The following PLEKHA5 variants were observed in gnomAD, a reference collection of about 807,000 sequenced individuals.
The protein encoded by PLEKHA5 is pleckstrin homology domain containing A5.
In PLEKHA5, 55 loss-of-function variants were observed where a neutral mutation model predicts 181.9. The ratio of observed to expected loss-of-function variants is 0.30; its 90% CI spans 0.24 to 0.38. The LOEUF (loss-of-function observed/expected upper bound fraction) is 0.38. Among genes scored for constraint, PLEKHA5 ranks in the 10% least tolerant of loss-of-function variants. PLEKHA5 has a pLI of 1.00. For synonymous variants in PLEKHA5, 535 were observed against 529.4 expected (o/e 1.01, Z -0.15); for missense variants, 1,432 against 1,549.5 (o/e 0.92, Z 1.27).
At chr12:19,205,355 C>G in intron 3 of PLEKHA5, 1 of 984,240 alleles carries the variant, frequency 1.0e-6, no homozygotes. Context: ...CCTTTGTCAT[C>G]GTTCTGTCAG....
intron 20 of PLEKHA5, among the ~76,000 whole-genome samples, chr12:19,336,040 AT>A (rs1412896474): frequency 1.3e-5 from 2 of 152,016 alleles, no homozygotes; most frequent in South Asian, 2.1e-4. Flanking sequence ...TTTGGGGGTG[AT>A]TTTTTTTCCA....
At chr12:19,257,870 A>T (rs963051443) in intron 6 of PLEKHA5, among the ~76,000 whole-genome samples, 1 of 152,178 alleles carries the variant, frequency 6.6e-6, no homozygotes, top group East Asian at 1.9e-4. Flanking sequence ...GAAATAAACA[A>T]CTAAATATTA....
intron 3 of PLEKHA5, among the ~76,000 whole-genome samples, chr12:19,140,454 C>T (rs2036931216): frequency 6.6e-6 from 1 of 152,146 alleles, no homozygotes; most frequent in South Asian, 2.1e-4. Flanking sequence ...ACTGGGGGAA[C>T]ATCTTGGCCA....
chr12:19,144,625 G>A (rs962749451), intron 3 of PLEKHA5, among the ~76,000 whole-genome samples: 2 of 152,144 alleles, frequency 1.3e-5, no homozygotes, highest in Admixed American at 6.5e-5. Context: ...TGATAAATAA[G>A]TTTCAGCCAG....
intron 3 of PLEKHA5, among the ~76,000 whole-genome samples, chr12:19,178,811 A>T (rs73056361): frequency 0.1 from 15,311 of 152,268 alleles, 947 homozygotes; most frequent in Admixed American, 0.19. Flanking sequence ...TGATTTCTTT[A>T]AAACAACAAC....
At chr12:19,281,621 C>T (rs942126603) in intron 11 of PLEKHA5, among the ~76,000 whole-genome samples, 10 of 151,880 alleles carry the variant, frequency 6.6e-5, no homozygotes, top group Non-Finnish European at 1.3e-4. Context: ...GCTAACTTTA[C>T]GTAGAGTTTT....
chr12:19,333,396 G>A (rs556691195), intron 20 of PLEKHA5, among the ~76,000 whole-genome samples: 5 of 151,718 alleles, frequency 3.3e-5, no homozygotes, highest in Middle Eastern at 3.4e-3. Flanking sequence ...TGGCTAACAC[G>A]ATGAAACCAC....
intron 3 of PLEKHA5, chr12:19,154,167 A>T (rs1157520756): frequency 6.6e-6 from 1 of 152,062 alleles, no homozygotes; most frequent in Non-Finnish European, 1.5e-5. Context: ...GTTTTGTCTG[A>T]TTTTGATATA....
intron 13 of PLEKHA5, among the ~76,000 whole-genome samples, chr12:19,288,681 G>A (rs2077753250): frequency 6.6e-6 from 1 of 152,084 alleles, no homozygotes; most frequent in Non-Finnish European, 1.5e-5. Context: ...CAGTTTATTT[G>A]CCAAAGATTA....
chr12:19,192,253 T>C (rs2151965109), intron 3 of PLEKHA5, among the ~76,000 whole-genome samples: 1 of 152,226 alleles, frequency 6.6e-6, no homozygotes, highest in East Asian at 1.9e-4. Context: ...CATAGGAAAC[T>C]TGGAGAGAAG....
chr12:19,203,484 A>G (rs937775626), intron 3 of PLEKHA5, among the ~76,000 whole-genome samples: 18 of 152,084 alleles, frequency 1.2e-4, no homozygotes, highest in African/African-American at 4.3e-4. Flanking sequence ...CAGGTCCTCC[A>G]CTGTGCCATA....
chr12:19,210,154 T>C (rs1026211923), intron 3 of PLEKHA5, among the ~76,000 whole-genome samples: 7 of 152,230 alleles, frequency 4.6e-5, no homozygotes, highest in Non-Finnish European at 1.0e-4. Context: ...ATGGCTGATA[T>C]TCTCATTTAC....
chr12:19,290,502 A>G (rs1296246266), intron 13 of PLEKHA5, among the ~76,000 whole-genome samples, 175 bp from the exon 14 acceptor site: 3 of 152,074 alleles, frequency 2.0e-5, no homozygotes, highest in African/African-American at 4.8e-5. Flanking sequence ...TGTTCCTTCT[A>G]TTTCTCTAGA....
At chr12:19,375,069 A>C (rs937930796) in intron 31 of PLEKHA5, among the ~76,000 whole-genome samples, 5 of 151,930 alleles carry the variant, frequency 3.3e-5, no homozygotes, top group African/African-American at 9.7e-5. Flanking sequence ...CATGCCTGTA[A>C]TCCTAGCACT....
At chr12:19,367,096 G>T (rs2095444049) in intron 30 of PLEKHA5, among the ~76,000 whole-genome samples, 1 of 151,962 alleles carries the variant, frequency 6.6e-6, no homozygotes, top group Non-Finnish European at 1.5e-5. Flanking sequence ...ATGTTGGCCA[G>T]GCTGGTCTGG....
chr12:19,169,767 G>A (rs1025998763), intron 3 of PLEKHA5, among the ~76,000 whole-genome samples: 1 of 152,142 alleles, frequency 6.6e-6, no homozygotes, highest in African/African-American at 2.4e-5. Flanking sequence ...TAAAAACCAG[G>A]TCAAGATTTA....
At chr12:19,278,870 C>A (rs908580101) in intron 11 of PLEKHA5, among the ~76,000 whole-genome samples, 70 of 152,172 alleles carry the variant, frequency 4.6e-4, no homozygotes, top group Non-Finnish European at 9.3e-4. Flanking sequence ...TGTCTGGAGA[C>A]ATTTCGTTCA....
At chr12:19,181,808 T>C (rs2048663668) in intron 3 of PLEKHA5, among the ~76,000 whole-genome samples, 1 of 152,088 alleles carries the variant, frequency 6.6e-6, no homozygotes, top group Middle Eastern at 3.2e-3. Context: ...AACAAATTAT[T>C]AATCTAAGAC....
intron 3 of PLEKHA5, among the ~76,000 whole-genome samples, chr12:19,155,726 T>C (rs1001330109): frequency 2.6e-5 from 4 of 152,196 alleles, no homozygotes; most frequent in African/African-American, 4.8e-5. Flanking sequence ...ACTATAGATA[T>C]AATGTTTTTC....
Sources: allele counts gnomAD v4.1 joint callset (sites outside exome capture counted in the v4.1 genomes callset), GRCh38; gene constraint gnomAD v4.1.1; transcripts MANE v1.5; gene names NCBI Gene and HGNC (gene_info 2026-07-23, HGNC 2026-07-21).